The following GON4L variants were observed in gnomAD, a reference collection of about 807,000 sequenced individuals.
GON4L encodes the protein GON-4-like protein.
In GON4L, 87 loss-of-function variants were observed where a neutral mutation model predicts 211.8. The ratio of observed to expected loss-of-function variants is 0.41; its 90% CI spans 0.35 to 0.49. The LOEUF (loss-of-function observed/expected upper bound fraction) is 0.49, where lower values mean the gene tolerates loss of function less well. Among genes scored for constraint, GON4L ranks in the 20% least tolerant of loss-of-function variants. GON4L has a pLI of 0.15. For synonymous variants in GON4L, 875 were observed against 962.6 expected (o/e 0.91, Z 1.68); for missense variants, 2,155 against 2,659.5 (o/e 0.81, Z 4.17).
chr1:155,809,057 C>T (rs1333994799), intron 10 of GON4L, among the ~76,000 whole-genome samples: 1 of 152,008 alleles, frequency 6.6e-6, no homozygotes, highest in Non-Finnish European at 1.5e-5. Flanking sequence ...AGAATACAGG[C>T]ATGCGCCACC....
In GON4L at chr1:155,765,507, C is replaced by T; in HGVS notation, c.3966G>A (p.Glu1322=). 1 of 1,614,178 alleles carries T rather than the reference C, an allele frequency of 6.2e-7. No individual in the cohort carries two copies. Among genetic ancestry groups the T allele is most frequent in the Non-Finnish European group, 8.5e-7 (1 of 1,180,032 alleles). ...SLNNPTPGDL[E]EIVKMEPEEA... ...CTTCAGGTTCCATCTTGACAATTTC[C>T]TCTAAATCCCCAGGGGTAGGGTTGT... Residue 1322 remains glutamate (E), a synonymous_variant, in exon 21 of 32, where the codon GAG becomes GAA. Coordinates refer to ENST00000368331, the MANE Select transcript of GON4L (RefSeq NM_001282860.2).
At chr1:155,818,946 T>C (rs1973768) in intron 6 of GON4L, among the ~76,000 whole-genome samples, 80,816 of 150,872 alleles carry the variant, frequency 0.54, 23,719 homozygotes, top group Middle Eastern at 0.69. Context: ...TGCAGTGAGC[T>C]GAGATCGCAC....
Position 155,774,792 on chromosome 1 carries a change from G to A in GON4L, c.2350+210C>T, listed in dbSNP as rs903495727. The stretch of plus-strand genomic sequence containing the variant: ...CTCCCATATTCCTATACTGTCCACT[G>A]CCTCCACACTTTACCCAGGCCCAGA... On this transcript the variant is annotated intron_variant, in intron 17 of 31. Coordinates refer to ENST00000368331, the MANE Select transcript of GON4L (RefSeq NM_001282860.2). The A allele has an allele frequency of 1.6e-5, 12 of 757,270 alleles. No homozygotes were observed. The Admixed American group carries it at 1.7e-4, about 11-fold the overall frequency. 46.9% of individuals were successfully genotyped at this position (757,270 alleles called of 1,614,324 possible). A position where few individuals can be genotyped will look rare whatever the true frequency, so the allele number is the denominator to read the frequency against.
rs777417019 is a variant in GON4L at position 155,811,391 on chromosome 1, C to CAAAAAA, written c.1452+2237_1452+2242dup. Among the ~76,000 whole-genome samples, 24 of 33,132 alleles carry CAAAAAA rather than the reference C, an allele frequency of 7.2e-4. 1 individual carries two copies. The highest frequency in any genetic ancestry group is 7.1e-4 in the African/African-American group (4 of 5,598). The allele number at this position is 33,132 out of a possible 152,430, so 21.7% of individuals were successfully genotyped here. On this transcript the variant is annotated intron_variant, in intron 10 of 31. Coordinates refer to ENST00000368331, the MANE Select transcript of GON4L (RefSeq NM_001282860.2). ...TAGAGGACAGAGCAAGACTCCGTCTCAAAAAAAAAAAAAAAAAAAAAAAAA... is the reference window on the plus strand; with the variant it reads ...TAGAGGACAGAGCAAGACTCCGTCTCAAAAAAAAAAAAAAAAAAAAAAAAAAAAAAA...
intron 2 of GON4L, among the ~76,000 whole-genome samples, chr1:155,830,608 A>C (rs192944549): frequency 2.0e-5 from 3 of 152,026 alleles, no homozygotes; most frequent in Admixed American, 1.3e-4. Flanking sequence ...TGTTGCTGAG[A>C]CAGGGTCTCG....
intron 15 of GON4L, 68 bp from the exon 16 acceptor site, chr1:155,776,549 C>CTT (rs60525991): frequency 2.6e-6 from 2 of 782,232 alleles, no homozygotes; most frequent in African/African-American, 1.7e-5. Flanking sequence ...CCAGAGAGAT[C>CTT]TTTTTTTTTT....
chr1:155,771,695 C>G (rs1663209415), intron 18 of GON4L, among the ~76,000 whole-genome samples: 2 of 152,092 alleles, frequency 1.3e-5, no homozygotes, highest in African/African-American at 4.8e-5. Context: ...CTGGGCTAAT[C>G]TTAAACTCCT....
chr1:155,748,064 C>CT, downstream of GON4L: 2 of 1,608,460 alleles, frequency 1.2e-6, no homozygotes, highest in South Asian at 2.2e-5. Context: ...GCCCCTTGTC[C>CT]TTGGGTGGGA....
chr1:155,851,436 C>T (rs1331493822), intron 2 of GON4L, among the ~76,000 whole-genome samples: 2 of 151,174 alleles, frequency 1.3e-5, no homozygotes, highest in Admixed American at 6.6e-5. Context: ...ACAATCTAGG[C>T]CGGGCGCAGT....
intron 19 of GON4L, among the ~76,000 whole-genome samples, chr1:155,769,123 G>C (rs1662888936): frequency 6.6e-6 from 1 of 151,860 alleles, no homozygotes; most frequent in South Asian, 2.1e-4. Flanking sequence ...TTACAGGTGA[G>C]TGGCACCATA....
chr1:155,853,392 CT>C lies in GON4L; in HGVS notation c.388del (p.Arg130GlufsTer5). On this transcript the variant is annotated frameshift_variant, in exon 2 of 32. Coordinates refer to ENST00000368331, the MANE Select transcript of GON4L (RefSeq NM_001282860.2). LOFTEE classifies it high-confidence loss of function. ...KGKLHATGSKRGKKMTLRPGP... is the reference protein window; with the variant it reads ...KGKLHATGSKXGKKMTLRPGP... Reference sequence around the variant, plus strand: ...AGGCCTGAGTGTCATTTTTTTCCCTCTCTTTGAGCCAGTAGCGTGGAGTTTT... The same window carrying C: ...AGGCCTGAGTGTCATTTTTTTCCCTCCTTTGAGCCAGTAGCGTGGAGTTTT... The C allele has an allele frequency of 6.2e-7, 1 of 1,614,152 alleles. No individual in the cohort carries two copies. Among genetic ancestry groups the C allele is most frequent in the Non-Finnish European group, 8.5e-7 (1 of 1,180,026 alleles).
chr1:155,827,045 T>C lies in GON4L; in HGVS notation c.506-17A>G. The C allele has an allele frequency of 6.3e-7, 1 of 1,576,844 alleles. No individual in the cohort carries two copies. Among genetic ancestry groups the C allele is most frequent in the Non-Finnish European group, 8.7e-7 (1 of 1,145,898 alleles). ...GAGGTTTCCCTGGAAGAATCACAAA[T>C]ATTGCTCCACACTTTGACCATTCTC... On this transcript the variant is annotated splice_polypyrimidine_tract_variant and intron_variant, in intron 2 of 31. Coordinates refer to ENST00000368331, the MANE Select transcript of GON4L (RefSeq NM_001282860.2).
At chr1:155,783,215 A>C (rs1300212232) in intron 14 of GON4L, among the ~76,000 whole-genome samples, 1 of 152,204 alleles carries the variant, frequency 6.6e-6, no homozygotes, top group Non-Finnish European at 1.5e-5. Flanking sequence ...ATTGGTTGGC[A>C]TATCTTATCT....
Position 155,826,841 on chromosome 1 carries a change from T to C in GON4L, c.693A>G (p.Pro231=), listed in dbSNP as rs1224894708. The C allele has an allele frequency of 3.7e-6, 6 of 1,602,996 alleles. 1 individual carries two copies. The South Asian group carries it at 6.6e-5, about 18-fold the overall frequency. ...AAAAAGAAAAAGAAAGCCTACCCAT[T>C]GGAATGAAGAGTCCACCATCTTCTA... ...EEIEDGGLFI[P]MEEQDNEESE... The change falls in exon 3 of 32, where the codon CCA becomes CCG. Residue 231 remains proline, a synonymous_variant. Transcript: ENST00000368331.
At chr1:155,795,312 C>G (rs1212480725) in intron 11 of GON4L, among the ~76,000 whole-genome samples, 161 bp from the exon 12 acceptor site, 1 of 151,654 alleles carries the variant, frequency 6.6e-6, no homozygotes, top group African/African-American at 2.4e-5. Flanking sequence ...CTGCAACCTC[C>G]ACCTCCCGGG....
chr1:155,769,436 A>G (rs1219506585), intron 19 of GON4L, among the ~76,000 whole-genome samples: 1 of 152,206 alleles, frequency 6.6e-6, no homozygotes, highest in African/African-American at 2.4e-5. Context: ...GATGGGGAGG[A>G]AAAAGCCCAA....
intron 17 of GON4L, 94 bp downstream of exon 17, chr1:155,774,908 T>C: frequency 6.4e-7 from 1 of 1,551,202 alleles, no homozygotes; most frequent in South Asian, 1.1e-5. Context: ...GTGTCCTCCA[T>C]TCCTAGGCAA....
intron 2 of GON4L, among the ~76,000 whole-genome samples, chr1:155,840,699 A>C (rs1670691860): frequency 6.6e-6 from 1 of 152,198 alleles, no homozygotes; most frequent in Admixed American, 6.5e-5. Flanking sequence ...ACTCAAGTTA[A>C]CCAAAGCCTT....
chr1:155,822,500 T>C (rs1571862940), intron 3 of GON4L, 24 bp from the exon 4 acceptor site: 5 of 1,582,712 alleles, frequency 3.2e-6, no homozygotes, highest in Non-Finnish European at 4.3e-6. Flanking sequence ...AAGAACATCA[T>C]CAGAATTCCA....
Sources: gnomAD v4.1 joint callset for allele counts (sites outside exome capture counted in the v4.1 genomes callset) on GRCh38, gnomAD v4.1.1 for gene constraint, MANE v1.5 for transcripts, NCBI Gene and HGNC (gene_info 2026-07-23, HGNC 2026-07-21) for gene names.